PPFIA4: variants seen among roughly 807,000 people sequenced by gnomAD.
The protein encoded by PPFIA4 is PPFI scaffold protein A4, also known as liprin-alpha-4.
PPFIA4 carries 98 observed loss-of-function variants against 145.7 expected under a neutral mutation model. That is an observed-to-expected ratio of 0.67 (90% CI 0.57 to 0.80). The LOEUF is 0.80. Ranked by LOEUF, PPFIA4 falls within the 30% of genes least tolerant of loss-of-function variation. PPFIA4 has a pLI of 0.00. For missense variants in PPFIA4, 1,457 were observed against 1,632.7 expected, an observed-to-expected ratio of 0.89 and a Z score of 1.85; for synonymous variants, 628 against 649.6, an observed-to-expected ratio of 0.97 and a Z score of 0.51.
rs1375368249 is a variant in PPFIA4 at position 203,059,377 on chromosome 1, A to G, written c.2501+106A>G. 4.0e-6 allele frequency: 4 copies of G among 989,412 alleles called. No homozygotes were observed. The African/African-American group carries it at 6.5e-5, about 16-fold the overall frequency. 61.3% of individuals were successfully genotyped at this position (989,412 alleles called of 1,614,324 possible). A position where few individuals can be genotyped will look rare whatever the true frequency, so the allele number is the denominator to read the frequency against. ...GAGCTCAGAGACCCAGACCCCAGCA[A>G]GGCCCTTCCTGAACTGAGTTGGTCT... On this transcript the variant is annotated intron_variant, in intron 20 of 29. Transcript: ENST00000295706.
At chr1:203,061,083 C>T (rs562872284) in intron 23 of PPFIA4, 51 bp downstream of exon 23, 1 of 1,543,432 alleles carries the variant, frequency 6.5e-7, no homozygotes, top group East Asian at 2.2e-5. Flanking sequence ...GGGACTGATA[C>T]TCCCATGAGG....
intron 1 of PPFIA4, among the ~76,000 whole-genome samples, chr1:203,031,061 C>G (rs563982698): frequency 1.3e-5 from 2 of 152,280 alleles, no homozygotes; most frequent in South Asian, 4.1e-4. Context: ...TACTCTCTCT[C>G]TCTCTCGGTC....
At chr1:203,049,982 G>C (rs1660386134) in intron 13 of PPFIA4, among the ~76,000 whole-genome samples, 1 of 152,240 alleles carries the variant, frequency 6.6e-6, no homozygotes. Context: ...TGAGAGGCGA[G>C]TCATCAGACA....
chr1:203,035,037 G>A (rs1298093468), intron 1 of PPFIA4, among the ~76,000 whole-genome samples: 8 of 152,224 alleles, frequency 5.3e-5, no homozygotes, highest in Admixed American at 5.2e-4. Flanking sequence ...TGGAAGCACA[G>A]TGCTGGGCAC....
intron 25 of PPFIA4, among the ~76,000 whole-genome samples, chr1:203,065,028 G>A (rs1661638234): frequency 1.3e-5 from 2 of 152,242 alleles, no homozygotes; most frequent in South Asian, 4.1e-4. Context: ...TCAGGGCTCT[G>A]TGGATGTCCT....
intron 28 of PPFIA4, among the ~76,000 whole-genome samples, chr1:203,074,724 A>G (rs930178361): frequency 6.6e-6 from 1 of 152,016 alleles, no homozygotes; most frequent in Admixed American, 6.5e-5. Flanking sequence ...CATGGCTTCC[A>G]AGCAGGGTGG....
chr1:203,058,713 T>C (rs890479250), intron 19 of PPFIA4, among the ~76,000 whole-genome samples: 2 of 152,146 alleles, frequency 1.3e-5, no homozygotes, highest in African/African-American at 4.8e-5. Context: ...TTCCCCTTTG[T>C]GGTTTTGTGC....
intron 1 of PPFIA4, among the ~76,000 whole-genome samples, chr1:203,032,232 C>G (rs1221644509): frequency 1.3e-5 from 2 of 152,050 alleles, no homozygotes; most frequent in Non-Finnish European, 2.9e-5. Context: ...AATTTAGAGC[C>G]TTTTGAGTTT....
intron 13 of PPFIA4, 120 bp downstream of exon 13, chr1:203,049,887 G>A: frequency 1.2e-6 from 1 of 846,998 alleles, no homozygotes; most frequent in Non-Finnish European, 1.7e-6. Flanking sequence ...GTTCAGGGTG[G>A]GACACTGAGG....
At chr1:203,044,559 A>G (rs948033347) in intron 5 of PPFIA4, 106 bp downstream of exon 5, 20 of 1,420,974 alleles carry the variant, frequency 1.4e-5, no homozygotes, top group African/African-American at 5.7e-5. Flanking sequence ...CATGGCTGGA[A>G]GCTGCTAGGC....
rs186051453 is a variant in PPFIA4 at position 203,073,549 on chromosome 1, C to G, written c.3393+1789C>G. On this transcript the variant is annotated intron_variant, in intron 28 of 29. Coordinates refer to ENST00000295706, the MANE Select transcript of PPFIA4 (RefSeq NM_001304331.2). Reference sequence around the variant, plus strand: ...GGGGTCCAAGGAGACTGCTTCCTGTCCAACTGTCTAGCACATCATCAGCAA... The same window carrying G: ...GGGGTCCAAGGAGACTGCTTCCTGTGCAACTGTCTAGCACATCATCAGCAA... Among the ~76,000 whole-genome samples the G allele has an allele frequency of 1.5e-3, 205 of 138,558 alleles. 1 individual carries two copies. Among genetic ancestry groups the G allele is most frequent in the Non-Finnish European group, 2.5e-3 (157 of 62,764 alleles). The allele number at this position is 138,558 out of a possible 152,430, so 90.9% of individuals were successfully genotyped here.
At chr1:203,049,282 G>A (rs1229808586) in intron 12 of PPFIA4, among the ~76,000 whole-genome samples, 1 of 152,204 alleles carries the variant, frequency 6.6e-6, no homozygotes, top group Admixed American at 6.5e-5. Flanking sequence ...TGCAGCCAGA[G>A]CCTGGTGATT....
At chr1:203,045,672 T>G (rs143681760) in intron 7 of PPFIA4, 113 bp downstream of exon 7, 6 of 1,444,660 alleles carry the variant, frequency 4.2e-6, no homozygotes, top group Non-Finnish European at 5.6e-6. Flanking sequence ...CCTGGCTCCA[T>G]TGTTGGGGGG....
Position 203,049,636 on chromosome 1 carries a change from GGCCCCCACTCCC to G in PPFIA4, c.1420-31_1420-20del, listed in dbSNP as rs201197903. Reference sequence around the variant, plus strand: ...CCACCCTCCCTCTCTGCCCCTCCCTGGCCCCCACTCCCGCCCCCACCCCGGGTCTGCTGGCAC... The same window carrying G: ...CCACCCTCCCTCTCTGCCCCTCCCTGGCCCCCACCCCGGGTCTGCTGGCAC... On this transcript the variant is annotated intron_variant, in intron 12 of 29. Transcript: ENST00000295706. 4,726 of 1,260,868 alleles carry G rather than the reference GGCCCCCACTCCC, an allele frequency of 3.7e-3. 110 individuals carry two copies. The African/African-American group carries it at 0.061, about 16-fold the overall frequency. 78.1% of individuals were successfully genotyped at this position (1,260,868 alleles called of 1,614,324 possible). A position where few individuals can be genotyped will look rare whatever the true frequency, so the allele number is the denominator to read the frequency against.
rs367826803 is a variant in PPFIA4, at chr1:203,045,825, T to A, written c.859-16T>A. On this transcript the variant is annotated splice_polypyrimidine_tract_variant and intron_variant, in intron 7 of 29. Transcript: ENST00000295706. ...GAAAGGCTGGTTACCGTCCTTCTTG[T>A]CCCCTCTTCTCCCAGGCTCTGGCCC... The A allele has an allele frequency of 1.2e-6, 2 of 1,612,604 alleles. No individual in the cohort carries two copies. Among genetic ancestry groups the A allele is most frequent in the Non-Finnish European group, 1.7e-6 (2 of 1,179,842 alleles).
intron 13 of PPFIA4, 57 bp downstream of exon 13, chr1:203,049,824 A>G: frequency 7.2e-7 from 1 of 1,385,892 alleles, no homozygotes. Flanking sequence ...GACCGTGAGG[A>G]AGGAGACTTC....
intron 28 of PPFIA4, among the ~76,000 whole-genome samples, chr1:203,074,947 C>T (rs116310811): frequency 1.7e-3 from 255 of 152,216 alleles, no homozygotes; most frequent in Non-Finnish European, 2.0e-3. Flanking sequence ...ACAGGGTGAT[C>T]TCATCTGATC....
chr1:203,076,512 C>T lies in PPFIA4; in HGVS notation c.*122C>T. The T allele has an allele frequency of 9.8e-7, 1 of 1,019,096 alleles. No individual in the cohort carries two copies. The highest frequency in any genetic ancestry group is 1.5e-6 in the Non-Finnish European group (1 of 667,250). 63.1% of individuals were successfully genotyped at this position (1,019,096 alleles called of 1,614,324 possible). On this transcript the variant is annotated 3_prime_UTR_variant, in exon 30 of 30. Coordinates refer to ENST00000295706, the MANE Select transcript of PPFIA4 (RefSeq NM_001304331.2). Reference sequence around the variant, plus strand: ...TCTCGTCCGTGACTTTCCGGTTGCCCTGGATCTCAGAATATATTCGTCCAC... The same window carrying T: ...TCTCGTCCGTGACTTTCCGGTTGCCTTGGATCTCAGAATATATTCGTCCAC...
chr1:203,051,652 C>T, intron 13 of PPFIA4, 117 bp from the exon 14 acceptor site: 1 of 1,482,970 alleles, frequency 6.7e-7, no homozygotes, highest in South Asian at 1.4e-5. Context: ...GCTCTGTGTC[C>T]TGCTAAGATG....
Sources: allele counts gnomAD v4.1 joint callset (sites outside exome capture counted in the v4.1 genomes callset), GRCh38; gene constraint gnomAD v4.1.1; transcripts MANE v1.5; gene names NCBI Gene and HGNC (gene_info 2026-07-23, HGNC 2026-07-21).